Variants in EYS observed in about 807,000 individuals in gnomAD.
EYS encodes the protein protein eyes shut homolog.
EYS carries 250 observed loss-of-function variants against 282.1 expected under a neutral mutation model. The ratio of observed to expected loss-of-function variants is 0.89; its 90% CI spans 0.80 to 0.98. EYS has a LOEUF of 0.98. Ranked by LOEUF, EYS falls within the 50% of genes least tolerant of loss-of-function variation. The pLI is 0.00. For missense variants in EYS, 4,016 were observed against 3,709.0 expected, an observed-to-expected ratio of 1.08 and a Z score of -2.15; for synonymous variants, 1,355 against 1,282.9, an observed-to-expected ratio of 1.06 and a Z score of -1.20.
chr6:64,144,536 C>T (rs1446492225), intron 31 of EYS, among the ~76,000 whole-genome samples: 1 of 152,142 alleles, frequency 6.6e-6, no homozygotes, highest in African/African-American at 2.4e-5. Flanking sequence ...TAACTTAGGA[C>T]TCTGGGACCT....
At chr6:64,547,239 C>T (rs982744222) in intron 26 of EYS, among the ~76,000 whole-genome samples, 5 of 152,094 alleles carry the variant, frequency 3.3e-5, no homozygotes, top group Non-Finnish European at 5.9e-5. Flanking sequence ...GAGTGGGTTG[C>T]CACTGCTGGC....
intron 2 of EYS, among the ~76,000 whole-genome samples, chr6:65,532,100 TATGA>T (rs1767793743): frequency 6.6e-6 from 1 of 152,150 alleles, no homozygotes; most frequent in Non-Finnish European, 1.5e-5. Context: ...AAAAATGAAA[TATGA>T]ATATTTTAAA....
At chr6:64,090,031 G>C (rs2150250867) in intron 31 of EYS, among the ~76,000 whole-genome samples, 1 of 152,148 alleles carries the variant, frequency 6.6e-6, no homozygotes, top group African/African-American at 2.4e-5. Flanking sequence ...TCAAAAATCT[G>C]AGGCCCCAAA....
intron 35 of EYS, among the ~76,000 whole-genome samples, chr6:63,911,769 A>G (rs1032139006): frequency 6.6e-6 from 1 of 152,208 alleles, no homozygotes; most frequent in African/African-American, 2.4e-5. Flanking sequence ...TGGAGATACC[A>G]TGAGGTTTTA....
chr6:65,441,872 T>C (rs562845211), intron 5 of EYS, among the ~76,000 whole-genome samples: 1 of 152,042 alleles, frequency 6.6e-6, no homozygotes, highest in Non-Finnish European at 1.5e-5. Context: ...CTCAGACATA[T>C]CAAGGAATGA....
intron 2 of EYS, among the ~76,000 whole-genome samples, chr6:65,590,197 G>A (rs1377695347): frequency 6.6e-6 from 1 of 152,012 alleles, no homozygotes; most frequent in Admixed American, 6.6e-5. Flanking sequence ...GGAAAGGGTA[G>A]CATGGAACCT....
intron 1 of EYS, among the ~76,000 whole-genome samples, chr6:65,659,962 G>A (rs960170847): frequency 4.0e-5 from 6 of 151,836 alleles, no homozygotes; most frequent in Admixed American, 3.3e-4. Context: ...GTGTTCATGA[G>A]TTTAAGAGAA....
chr6:64,912,571 G>C lies in EYS; in HGVS notation c.2554C>G (p.Leu852Val), dbSNP rs909911255. 3 of 1,551,080 alleles carry C rather than the reference G, an allele frequency of 1.9e-6. No homozygotes were observed. The highest frequency in any genetic ancestry group is 2.7e-5 in the African/African-American group (2 of 73,008). ...CAAGGGTTATGAAGTAGGTCACAAA[G>C]GTTATAGCGTTGGTGGCAAAATTGT... ...TGQFCHQRYN[L>V]CDLLHNPCRN... The change falls in exon 16 of 43, where the codon CTT (leucine) becomes GTT (valine). Residue 852 changes from leucine to valine, a missense_variant. Transcript: ENST00000503581.
chr6:65,271,673 C>T (rs1171057203), intron 12 of EYS, among the ~76,000 whole-genome samples: 4 of 151,386 alleles, frequency 2.6e-5, no homozygotes, highest in Non-Finnish European at 4.4e-5. Flanking sequence ...TCCTATGCCC[C>T]CTGGGTTCAA....
At chr6:65,695,280 G>C (rs1379125921) in intron 1 of EYS, among the ~76,000 whole-genome samples, 1 of 151,766 alleles carries the variant, frequency 6.6e-6, no homozygotes, top group Non-Finnish European at 1.5e-5. Flanking sequence ...AAGAGACATG[G>C]TATTTATCAC....
At chr6:65,685,783 A>G (rs1768993246) in intron 1 of EYS, among the ~76,000 whole-genome samples, 1 of 152,044 alleles carries the variant, frequency 6.6e-6, no homozygotes, top group Non-Finnish European at 1.5e-5. Context: ...TCTTTTATGT[A>G]CTGAATGAGT....
At chr6:65,628,009 G>A (rs532601714) in intron 2 of EYS, among the ~76,000 whole-genome samples, 240 of 152,370 alleles carry the variant, frequency 1.6e-3, no homozygotes, top group African/African-American at 5.5e-3. Flanking sequence ...GGGCTCCTGA[G>A]TCTGGTGGGG....
chr6:64,673,209 G>C (rs1401990558), intron 22 of EYS, among the ~76,000 whole-genome samples: 1 of 151,354 alleles, frequency 6.6e-6, no homozygotes, highest in Non-Finnish European at 1.5e-5. Context: ...GACTCTTTTA[G>C]AATCTTCTCA....
intron 33 of EYS, among the ~76,000 whole-genome samples, chr6:64,055,234 T>C (rs2149846790): frequency 6.6e-6 from 1 of 152,106 alleles, no homozygotes; most frequent in South Asian, 2.1e-4. Flanking sequence ...TTTAATAAGA[T>C]GCTGTAAAAT....
At chr6:63,958,091 T>A (rs1389971780) in intron 35 of EYS, among the ~76,000 whole-genome samples, 1 of 140,794 alleles carries the variant, frequency 7.1e-6, no homozygotes, top group African/African-American at 2.4e-5. Flanking sequence ...CCATGGTTAA[T>A]AGTCAAGCTA....
intron 5 of EYS, among the ~76,000 whole-genome samples, chr6:65,463,142 G>T (rs1483677496): frequency 6.6e-6 from 1 of 151,970 alleles, no homozygotes; most frequent in Non-Finnish European, 1.5e-5. Context: ...CCCATTTCAG[G>T]GTCAAAATTA....
chr6:64,839,777 G>A (rs191266574), intron 19 of EYS, among the ~76,000 whole-genome samples: 80 of 152,064 alleles, frequency 5.3e-4, no homozygotes, highest in African/African-American at 1.9e-3. Flanking sequence ...TAGAGGGGAG[G>A]AACCCTGTGT....
At chr6:64,040,833 T>TC (rs1366016710) in intron 33 of EYS, among the ~76,000 whole-genome samples, 2 of 152,162 alleles carry the variant, frequency 1.3e-5, no homozygotes, top group African/African-American at 2.4e-5. Flanking sequence ...ATCCTCGAGC[T>TC]CCTAAAAAGC....
At chr6:64,586,722 C>CT (rs1766244619) in intron 26 of EYS, among the ~76,000 whole-genome samples, 1 of 151,906 alleles carries the variant, frequency 6.6e-6, no homozygotes, top group African/African-American at 2.4e-5. Flanking sequence ...GGAAATGCCC[C>CT]TTTGTCATTT....
Sources: allele counts gnomAD v4.1 joint callset (sites outside exome capture counted in the v4.1 genomes callset), GRCh38; gene constraint gnomAD v4.1.1; transcripts MANE v1.5; gene names NCBI Gene and HGNC (gene_info 2026-07-23, HGNC 2026-07-21).